Variants in PUF60 observed in about 807,000 individuals in gnomAD.
PUF60 encodes poly(U)-binding-splicing factor PUF60.
PUF60 carries 10 observed loss-of-function variants against 61.8 expected under a neutral mutation model. The ratio of observed to expected loss-of-function variants is 0.16; its 90% CI spans 0.10 to 0.27. The LOEUF is 0.27. PUF60 is among the 10% of genes least tolerant of loss of function. The probability of loss-of-function intolerance (pLI) is 1.00; values close to 1 mark genes in which losing one functional copy is unlikely to be tolerated. For missense variants in PUF60, 371 were observed against 754.0 expected (o/e 0.49, Z 5.95); for synonymous variants, 353 against 300.9 (o/e 1.17, Z -1.79).
At chr8:143,828,417 T>C (rs924042308) in intron 1 of PUF60, among the ~76,000 whole-genome samples, 4 of 152,210 alleles carry the variant, frequency 2.6e-5, no homozygotes, top group African/African-American at 9.6e-5. Flanking sequence ...TCCTATAAGC[T>C]AAGTGGTGAG....
At chr8:143,819,221 C>A (rs1031256313) in intron 5 of PUF60, among the ~76,000 whole-genome samples, 2 of 152,108 alleles carry the variant, frequency 1.3e-5, no homozygotes, top group Admixed American at 1.3e-4. Context: ...CCCCCGGGGG[C>A]ACCATGAGGT....
intron 1 of PUF60, chr8:143,827,487 C>T: frequency 4.4e-6 from 2 of 455,942 alleles, no homozygotes; most frequent in South Asian, 3.1e-5. Context: ...CCTTCCCCAC[C>T]AGGCCACTGT....
At chr8:143,825,055 A>G (rs1478806677) in intron 1 of PUF60, 2 of 152,676 alleles carry the variant, frequency 1.3e-5, no homozygotes, top group Non-Finnish European at 1.5e-5. Flanking sequence ...AATGGTCTTG[A>G]GGGATGGCAG....
rs1281321715 is a variant in PUF60 at position 143,818,649 on chromosome 8, CAT to C, written c.349-117_349-116del. 2 of 1,154,698 alleles carry C rather than the reference CAT, an allele frequency of 1.7e-6. No individual in the cohort carries two copies. The highest frequency in any genetic ancestry group is 2.6e-5 in the East Asian group (1 of 38,634). 71.5% of individuals were successfully genotyped at this position (1,154,698 alleles called of 1,614,324 possible). A position where few individuals can be genotyped will look rare whatever the true frequency, so the allele number is the denominator to read the frequency against. ...GCCCTGCTGTGGGGAGGGCTCCCCACATGACAGGGAGGTGCGGGCTCCATCCC... is the reference window on the plus strand; with the variant it reads ...GCCCTGCTGTGGGGAGGGCTCCCCACGACAGGGAGGTGCGGGCTCCATCCC... On this transcript the variant is annotated intron_variant, in intron 5 of 11. Coordinates refer to ENST00000526683, the MANE Select transcript of PUF60 (RefSeq NM_078480.3). The surrounding 1 kb of genome is among the most constrained non-coding windows in gnomAD (Gnocchi z 7.9).
chr8:143,816,367 C>T lies in PUF60; in HGVS notation c.*153G>A, dbSNP rs1009800660. 2.1e-5 allele frequency: 18 copies of T among 840,718 alleles called. No homozygotes were observed. Among genetic ancestry groups the T allele is most frequent in the African/African-American group, 2.1e-4 (12 of 58,162 alleles). 52.1% of individuals were successfully genotyped at this position (840,718 alleles called of 1,614,324 possible). On this transcript the variant is annotated 3_prime_UTR_variant, in exon 12 of 12. Coordinates refer to ENST00000526683, the MANE Select transcript of PUF60 (RefSeq NM_078480.3). ...GATCGGTGACAGGACCGACGGCAGA[C>T]ACACGGACGTTCAGGGCCAGCAGCA...
In PUF60 at chr8:143,818,995, G is replaced by A. The variant is rs1816706029; in HGVS notation, c.349-461C>T. ...CCAGAAGAGAGGAGGTCAGAAGACA[G>A]GGCAGCCACTGCCCAGAAGAGACCC... On this transcript the variant is annotated intron_variant, in intron 5 of 11. Coordinates refer to ENST00000526683, the MANE Select transcript of PUF60 (RefSeq NM_078480.3). This position sits in a 1 kb window ranked among gnomAD's most constrained non-coding sequence, Gnocchi z 7.9. 1.8e-5 allele frequency: 3 copies of A among 170,046 alleles called. No homozygotes were observed. In the Admixed American group the frequency reaches 1.8e-4, roughly 10 times the overall value. The allele number at this position is 170,046 out of a possible 1,614,324, so 10.5% of individuals were successfully genotyped here.
intron 1 of PUF60, chr8:143,827,425 C>G (rs1414382404): frequency 2.2e-6 from 1 of 456,294 alleles, no homozygotes; most frequent in East Asian, 6.9e-5. Context: ...CTGCAGCCAC[C>G]AGGCAGAAGG....
Position 143,821,873 on chromosome 8 carries a change from G to A in PUF60, c.152C>T (p.Ala51Val). Reference protein sequence around the residue: ...SIKMENGQSTAAKLGLPPLTP... With the variant: ...SIKMENGQSTVAKLGLPPLTP... ...CAGGGGAGGCAGCCCCAGCTTGGCG[G>A]CTGTGCTCTGCCCGTTCTCCATCTT... The change falls in exon 3 of 12, where the codon GCC (alanine) becomes GTC (valine). Residue 51 changes from alanine (A) to valine (V), a missense_variant. Physicochemically the swap from Ala to Val is moderately conservative, Grantham distance 64 (BLOSUM62 0). This residue lies in a region of PUF60 where 16 missense variants were observed against 26.9 expected (regional missense o/e 0.60). Transcript: ENST00000526683. 1 of 1,609,444 alleles carries A rather than the reference G, an allele frequency of 6.2e-7. No individual in the cohort carries two copies. Among genetic ancestry groups the A allele is most frequent in the Non-Finnish European group, 8.5e-7 (1 of 1,179,064 alleles).
At position 143,816,899 on chromosome 8, in the gene PUF60, C is replaced by CT; in HGVS notation, c.1380+10_1380+11insA. ...CCCTCTCCCCCGCCACCACCCTGCC[C>CT]CTCTGCCTACCTCCTGCTTGCGGAG... On this transcript the variant is annotated intron_variant, in intron 11 of 11. Coordinates refer to ENST00000526683, the MANE Select transcript of PUF60 (RefSeq NM_078480.3). 6.4e-7 allele frequency: 1 copy of CT among 1,567,604 alleles called. No individual in the cohort carries two copies.
chr8:143,828,843 G>C (rs1817960341), intron 1 of PUF60: 2 of 830,618 alleles, frequency 2.4e-6, no homozygotes, highest in South Asian at 1.1e-4. Context: ...CTGAGCTGCA[G>C]GCCCCTTTCT....
At chr8:143,822,892 C>A (rs907224474) in intron 2 of PUF60, 12 of 315,010 alleles carry the variant, frequency 3.8e-5, no homozygotes, top group Admixed American at 3.3e-4. Flanking sequence ...CTTCCAGACA[C>A]AGCCTTGAGG....
Position 143,816,629 on chromosome 8 carries a change from T to A in PUF60, c.1571A>T (p.Glu524Val). The A allele has an allele frequency of 1.9e-6, 3 of 1,613,820 alleles. No homozygotes were observed. In the South Asian group the frequency reaches 3.3e-5, roughly 18 times the overall value. The part of the protein sequence containing the change: ...KIFVEFSIAS[E>V]THKAIQALNG... Reference sequence around the variant, plus strand: ...GAGGGCCTGGATGGCCTTATGAGTCTCAGAGGCTATGGAAAACTCCACAAA... The same window carrying A: ...GAGGGCCTGGATGGCCTTATGAGTCACAGAGGCTATGGAAAACTCCACAAA... The change falls in exon 12 of 12, where the codon GAG becomes GTG. Residue 524 changes from glutamate to valine, a missense_variant. Physicochemically the swap from Glu to Val is moderately radical, Grantham distance 121. Around this residue, in one of 13 missense-constraint regions of PUF60, gnomAD observed 19 missense variants for 16.9 expected, o/e 1.12. Coordinates refer to ENST00000526683, the MANE Select transcript of PUF60 (RefSeq NM_078480.3).
Position 143,818,854 on chromosome 8 carries a change from T to C in PUF60, c.349-320A>G. On this transcript the variant is annotated intron_variant, in intron 5 of 11. Coordinates refer to ENST00000526683, the MANE Select transcript of PUF60 (RefSeq NM_078480.3). The surrounding 1 kb of genome is among the most constrained non-coding windows in gnomAD (Gnocchi z 7.9). ...TCCCACCCAGACCACCCCTCCAGTC[T>C]GGGGGCTGGGTATCCCAGGCTGGGC... The C allele has an allele frequency of 2.7e-6, 1 of 366,762 alleles. No homozygotes were observed. Among genetic ancestry groups the C allele is most frequent in the Non-Finnish European group, 4.9e-6 (1 of 202,428 alleles). 22.7% of individuals were successfully genotyped at this position (366,762 alleles called of 1,614,324 possible). A position where few individuals can be genotyped will look rare whatever the true frequency, so the allele number is the denominator to read the frequency against.
intron 2 of PUF60, 84 bp from the exon 3 acceptor site, chr8:143,821,997 C>G: frequency 9.8e-7 from 1 of 1,024,192 alleles, no homozygotes; most frequent in Non-Finnish European, 1.4e-6. Context: ...CTAGCACAGA[C>G]TGTCCCCTGC....
At chr8:143,829,122 GC>G in intron 1 of PUF60, 157 bp downstream of exon 1, 2 of 1,171,738 alleles carry the variant, frequency 1.7e-6, no homozygotes, top group Non-Finnish European at 2.1e-6. Flanking sequence ...GCGCGCGCCC[GC>G]CCCGCCCCCG....
chr8:143,827,257 G>A (rs1481844214), intron 1 of PUF60: 4 of 409,692 alleles, frequency 9.8e-6, no homozygotes, highest in Admixed American at 8.1e-5. Flanking sequence ...TGACATTGCA[G>A]GCTGGGGCCT....
chr8:143,819,192 G>A (rs1049241765), intron 5 of PUF60, among the ~76,000 whole-genome samples: 2 of 152,084 alleles, frequency 1.3e-5, no homozygotes, highest in Admixed American at 6.5e-5. Flanking sequence ...AGCGGGCCCA[G>A]GCGAGACCAC....
chr8:143,827,024 C>T, intron 1 of PUF60: 1 of 282,550 alleles, frequency 3.5e-6, no homozygotes, highest in Non-Finnish European at 6.9e-6. Context: ...ATGAACACTG[C>T]TTACTGCGTG....
chr8:143,828,757 G>A (rs558614315), intron 1 of PUF60, among the ~76,000 whole-genome samples: 2 of 152,332 alleles, frequency 1.3e-5, no homozygotes, highest in South Asian at 2.1e-4. Context: ...AGAGAATGGA[G>A]ATAACCAGAT....
Sources: gnomAD v4.1 joint callset for allele counts (sites outside exome capture counted in the v4.1 genomes callset) on GRCh38, gnomAD v4.1.1 for gene constraint, gnomAD v4.1.1 regional missense constraint, Gnocchi (gnomAD v3.1) non-coding constraint, MANE v1.5 for transcripts, NCBI Gene and HGNC (gene_info 2026-07-23, HGNC 2026-07-21) for gene names.